NUBPL: variants seen among roughly 807,000 people sequenced by gnomAD.
The protein encoded by NUBPL is iron-sulfur cluster transfer protein NUBPL.
A neutral mutation model predicts 45.7 loss-of-function variants in NUBPL; 31 were observed. The ratio of observed to expected loss-of-function variants is 0.68; its 90% CI spans 0.51 to 0.92. The LOEUF (loss-of-function observed/expected upper bound fraction) is 0.92, where lower values mean the gene tolerates loss of function less well. Ranked by LOEUF, NUBPL falls within the 40% of genes least tolerant of loss-of-function variation. The pLI is 0.00. For missense variants in NUBPL, 401 were observed against 398.7 expected (o/e 1.01, Z -0.05); for synonymous variants, 144 against 140.9 (o/e 1.02, Z -0.15).
In NUBPL at chr14:31,572,429, G is replaced by A. The variant is rs542166634; in HGVS notation, c.291+7381G>A. Among the ~76,000 whole-genome samples, 78 of 152,216 alleles carry A rather than the reference G, an allele frequency of 5.1e-4. 1 individual carries two copies. The South Asian group carries it at 0.011, about 22-fold the overall frequency. ...TCTGGGATTACCGGCGTGAGCCACT[G>A]TGCCTGGCCTAGCTAGATTCTTATG... On this transcript the variant is annotated intron_variant, in intron 3 of 10. Coordinates refer to ENST00000281081, the MANE Select transcript of NUBPL (RefSeq NM_025152.3).
chr14:31,805,820 TG>T (rs59290315), intron 7 of NUBPL, among the ~76,000 whole-genome samples: 18,131 of 151,986 alleles, frequency 0.12, 3,326 homozygotes, highest in African/African-American at 0.4. Context: ...GCTTAATACG[TG>T]GGTGATGAAA....
At chr14:31,722,613 G>A (rs1379180186) in intron 6 of NUBPL, among the ~76,000 whole-genome samples, 2 of 151,988 alleles carry the variant, frequency 1.3e-5, no homozygotes, top group African/African-American at 4.8e-5. Flanking sequence ...GTTATTTTTT[G>A]ACATTTTAAT....
At chr14:31,848,937 C>T (rs777613693) in intron 9 of NUBPL, among the ~76,000 whole-genome samples, 2 of 152,120 alleles carry the variant, frequency 1.3e-5, no homozygotes, top group African/African-American at 2.4e-5. Context: ...CATTTCTAAG[C>T]ATTTTCTATA....
chr14:31,743,166 G>A (rs2038322718), intron 6 of NUBPL, among the ~76,000 whole-genome samples: 1 of 151,818 alleles, frequency 6.6e-6, no homozygotes, highest in African/African-American at 2.4e-5. Flanking sequence ...TATATTCTTT[G>A]CTGAACCTGA....
chr14:31,702,953 C>T (rs776424906), intron 6 of NUBPL, among the ~76,000 whole-genome samples: 2 of 152,158 alleles, frequency 1.3e-5, no homozygotes, highest in Non-Finnish European at 2.9e-5. Flanking sequence ...ATATCTTTAA[C>T]TAAAAACTGT....
chr14:31,564,540 G>A (rs1470417237), intron 2 of NUBPL, among the ~76,000 whole-genome samples: 1 of 150,934 alleles, frequency 6.6e-6, no homozygotes, highest in Non-Finnish European at 1.5e-5. Context: ...TGAGCTGGGT[G>A]TGGTGGTGCC....
At position 31,781,958 on chromosome 14, in the gene NUBPL, A is replaced by C. The variant is rs188103306; in HGVS notation, c.514-5822A>C. On this transcript the variant is annotated intron_variant, in intron 6 of 10. Coordinates refer to ENST00000281081, the MANE Select transcript of NUBPL (RefSeq NM_025152.3). Reference sequence around the variant, plus strand: ...AACTTTCTTACGTCTCTCTCCCCTTACTATTAGTTCCTTTTTATCTTGTTT... The same window carrying C: ...AACTTTCTTACGTCTCTCTCCCCTTCCTATTAGTTCCTTTTTATCTTGTTT... Among the ~76,000 whole-genome samples the C allele has an allele frequency of 1.5e-3, 234 of 152,116 alleles. 2 individuals are homozygous for C. In the South Asian group the frequency reaches 0.02, roughly 13 times the overall value.
At chr14:31,843,253 G>A (rs1001515057) in intron 8 of NUBPL, among the ~76,000 whole-genome samples, 4 of 152,200 alleles carry the variant, frequency 2.6e-5, no homozygotes. Context: ...CGTTTCATTG[G>A]CCAAAACAAG....
At chr14:31,850,222 C>T (rs762071934) in intron 10 of NUBPL, 21 bp downstream of exon 10, 1 of 1,580,392 alleles carries the variant, frequency 6.3e-7, no homozygotes, top group Admixed American at 1.7e-5. Flanking sequence ...TTTTTGGATA[C>T]ATATTTTTAT....
intron 4 of NUBPL, among the ~76,000 whole-genome samples, chr14:31,605,137 G>A (rs1421014705): frequency 6.6e-6 from 1 of 152,136 alleles, no homozygotes; most frequent in Non-Finnish European, 1.5e-5. Context: ...TTTCCAAATA[G>A]TGTCAAATTC....
chr14:31,805,714 T>C (rs555383970), intron 7 of NUBPL, among the ~76,000 whole-genome samples: 1 of 151,992 alleles, frequency 6.6e-6, no homozygotes, highest in East Asian at 1.9e-4. Flanking sequence ...TGAGAACACA[T>C]GGACACAAAG....
intron 4 of NUBPL, among the ~76,000 whole-genome samples, chr14:31,623,986 ACACT>A (rs1175100620): frequency 6.6e-6 from 1 of 152,194 alleles, no homozygotes; most frequent in Non-Finnish European, 1.5e-5. Context: ...TAAGGGAGTG[ACACT>A]CAGTTTTGCA....
At chr14:31,694,717 T>C (rs1595505116) in intron 6 of NUBPL, among the ~76,000 whole-genome samples, 1 of 152,204 alleles carries the variant, frequency 6.6e-6, no homozygotes, top group East Asian at 1.9e-4. Context: ...GGTTTCACCA[T>C]GTTGGTCAGG....
intron 7 of NUBPL, among the ~76,000 whole-genome samples, chr14:31,810,580 G>A (rs1051785399): frequency 6.6e-6 from 1 of 152,166 alleles, no homozygotes; most frequent in African/African-American, 2.4e-5. Context: ...CAGTTTGCCA[G>A]TCTGTGTCTT....
intron 8 of NUBPL, among the ~76,000 whole-genome samples, chr14:31,837,291 A>G (rs926210280): frequency 2.0e-5 from 3 of 152,200 alleles, no homozygotes; most frequent in African/African-American, 7.2e-5. Context: ...TGATCACACT[A>G]CTGCATTCCA....
intron 4 of NUBPL, among the ~76,000 whole-genome samples, chr14:31,646,999 T>A (rs574258799): frequency 2.0e-5 from 3 of 152,212 alleles, no homozygotes; most frequent in African/African-American, 4.8e-5. Flanking sequence ...CTACTTCTAA[T>A]GAATTTTTCA....
At chr14:31,717,206 C>T (rs2037709772) in intron 6 of NUBPL, among the ~76,000 whole-genome samples, 1 of 152,130 alleles carries the variant, frequency 6.6e-6, no homozygotes, top group African/African-American at 2.4e-5. Flanking sequence ...GTTTGATATT[C>T]CTGAATTCAC....
At chr14:31,779,372 C>T (rs1325850590) in intron 6 of NUBPL, among the ~76,000 whole-genome samples, 1 of 151,922 alleles carries the variant, frequency 6.6e-6, no homozygotes, top group Non-Finnish European at 1.5e-5. Flanking sequence ...AAGAGAACCT[C>T]ATCATTTGCT....
intron 6 of NUBPL, among the ~76,000 whole-genome samples, chr14:31,747,047 G>A (rs2038413450): frequency 6.9e-6 from 1 of 144,580 alleles, no homozygotes; most frequent in Admixed American, 7.0e-5. Flanking sequence ...TTCAGCCTGG[G>A]TGATACAGAG....
Sources: gnomAD v4.1 joint callset for allele counts (sites outside exome capture counted in the v4.1 genomes callset) on GRCh38, gnomAD v4.1.1 for gene constraint, MANE v1.5 for transcripts, NCBI Gene and HGNC (gene_info 2026-07-23, HGNC 2026-07-21) for gene names.